MED27: variants seen among roughly 807,000 people sequenced by gnomAD.
MED27 encodes mediator complex subunit 27.
MED27 carries 30 observed loss-of-function variants against 38.2 expected under a neutral mutation model. The ratio of observed to expected loss-of-function variants is 0.79; its 90% confidence interval spans 0.59 to 1.07. The LOEUF (loss-of-function observed/expected upper bound fraction) is 1.07. Among genes scored for constraint, MED27 ranks in the 50% least tolerant of loss-of-function variants. The pLI, the probability that MED27 is intolerant of heterozygous loss-of-function variation, is 0.00. For missense variants in MED27, 289 were observed against 397.5 expected (o/e 0.73, Z 2.32); for synonymous variants, 122 against 153.5 (o/e 0.79, Z 1.52).
intron 2 of MED27, among the ~76,000 whole-genome samples, chr9:132,029,236 C>T (rs1045304777): frequency 6.6e-6 from 1 of 152,128 alleles, no homozygotes; most frequent in Non-Finnish European, 1.5e-5. Flanking sequence ...TACTCTAGTA[C>T]CAAGTTACTT....
intron 3 of MED27, among the ~76,000 whole-genome samples, chr9:131,979,796 T>C (rs775248837): frequency 6.6e-6 from 1 of 151,580 alleles, no homozygotes; most frequent in Non-Finnish European, 1.5e-5. Context: ...TACTAGTCCA[T>C]GCTAACTCCT....
Position 132,003,507 on chromosome 9 carries a change from C to G in MED27, c.479+10830G>C, listed in dbSNP as rs1207590550. On this transcript the variant is annotated intron_variant, in intron 3 of 7. Transcript: ENST00000292035. This position sits in a 1 kb window ranked among gnomAD's most constrained non-coding sequence, Gnocchi z 4.2. ...CCACAAGGGGCACGTGACAGTTGGG[C>G]CTGAAGGGTTGGCTAGAGCAAGGCT... 6.6e-6 allele frequency among the ~76,000 whole-genome samples: 1 copy of G among 152,072 alleles called. No individual in the cohort carries two copies. The highest frequency in any genetic ancestry group is 1.5e-5 in the Non-Finnish European group (1 of 68,012).
chr9:131,936,178 T>C (rs1830681386), intron 4 of MED27, among the ~76,000 whole-genome samples: 1 of 146,166 alleles, frequency 6.8e-6, no homozygotes, highest in South Asian at 2.2e-4. Context: ...AAAGAAAAAA[T>C]CACCAGCCTA....
chr9:132,018,139 A>C (rs987995124), intron 2 of MED27, among the ~76,000 whole-genome samples: 1 of 152,288 alleles, frequency 6.6e-6, no homozygotes, highest in South Asian at 2.1e-4. Flanking sequence ...GAGGACCCCC[A>C]AACTCTAAAA....
intron 3 of MED27, among the ~76,000 whole-genome samples, chr9:131,940,201 G>A (rs1033617543): frequency 5.9e-5 from 9 of 151,722 alleles, no homozygotes; most frequent in Admixed American, 2.6e-4. Context: ...CACTGTGCCC[G>A]GCCAATTCCT....
intron 2 of MED27, among the ~76,000 whole-genome samples, chr9:132,061,355 A>G (rs1387993015): frequency 2.6e-5 from 4 of 152,222 alleles, no homozygotes; most frequent in African/African-American, 4.8e-5. Flanking sequence ...AGGTGATGCT[A>G]AGGTATAAAA....
chr9:131,916,199 AT>A (rs1479092271), intron 4 of MED27, among the ~76,000 whole-genome samples: 1 of 152,216 alleles, frequency 6.6e-6, no homozygotes, highest in Non-Finnish European at 1.5e-5. Context: ...GTAGAATGGG[AT>A]TAAGAAATAA....
chr9:131,887,522 G>T (rs926858213), intron 5 of MED27, among the ~76,000 whole-genome samples: 6 of 152,186 alleles, frequency 3.9e-5, no homozygotes, highest in Admixed American at 2.6e-4. Flanking sequence ...AGCCAGAAAT[G>T]AGCATTCTGG....
intron 2 of MED27, among the ~76,000 whole-genome samples, chr9:132,058,755 C>T (rs922442879): frequency 5.3e-5 from 8 of 152,348 alleles, no homozygotes; most frequent in African/African-American, 1.9e-4. Context: ...CACATCTCTA[C>T]AACTTCAGTG....
At chr9:132,026,030 C>T (rs1832810265) in intron 2 of MED27, among the ~76,000 whole-genome samples, 1 of 152,158 alleles carries the variant, frequency 6.6e-6, no homozygotes, top group Non-Finnish European at 1.5e-5. Context: ...AGAGTTGAGC[C>T]TAATACGAGA....
intron 3 of MED27, among the ~76,000 whole-genome samples, chr9:131,956,531 G>C (rs2130991923): frequency 6.6e-6 from 1 of 151,562 alleles, no homozygotes; most frequent in East Asian, 1.9e-4. Context: ...CACAAGAATT[G>C]CTTGAACCCA....
intron 4 of MED27, among the ~76,000 whole-genome samples, chr9:131,901,914 A>C (rs1220731901): frequency 6.6e-6 from 1 of 152,138 alleles, no homozygotes; most frequent in Non-Finnish European, 1.5e-5. Flanking sequence ...TGAAGTTTTG[A>C]AAGATTTGAG....
Position 131,889,389 on chromosome 9 carries a change from C to T in MED27, c.681+4496G>A, listed in dbSNP as rs1262473545. Among the ~76,000 whole-genome samples, 1 of 152,104 alleles carries T rather than the reference C, an allele frequency of 6.6e-6. No individual in the cohort carries two copies. The highest frequency in any genetic ancestry group is 2.1e-4 in the South Asian group (1 of 4,826). ...CAAAAAGTTAAATTCGAACGAGACACATTTTTTTTTCAGTTAAGTCTGACT... is the reference window on the plus strand; with the variant it reads ...CAAAAAGTTAAATTCGAACGAGACATATTTTTTTTTCAGTTAAGTCTGACT... On this transcript the variant is annotated intron_variant, in intron 5 of 7. Coordinates refer to ENST00000292035, the MANE Select transcript of MED27 (RefSeq NM_004269.4). This position sits in a 1 kb window ranked among gnomAD's most constrained non-coding sequence, Gnocchi z 4.2.
chr9:131,920,048 C>A (rs1228672333), intron 4 of MED27, among the ~76,000 whole-genome samples: 2 of 152,104 alleles, frequency 1.3e-5, no homozygotes, highest in African/African-American at 4.8e-5. Context: ...TGCACTCAAG[C>A]AATCCACCTG....
At chr9:131,993,663 C>G (rs1832027336) in intron 3 of MED27, among the ~76,000 whole-genome samples, 1 of 152,236 alleles carries the variant, frequency 6.6e-6, no homozygotes, top group African/African-American at 2.4e-5. Context: ...ACAGACCCAT[C>G]TCATCATGAC....
At chr9:131,973,031 T>G (rs1259148964) in intron 3 of MED27, among the ~76,000 whole-genome samples, 1 of 152,058 alleles carries the variant, frequency 6.6e-6, no homozygotes, top group Non-Finnish European at 1.5e-5. Flanking sequence ...TACAAGAAAA[T>G]TTCAAACACT....
intron 3 of MED27, among the ~76,000 whole-genome samples, chr9:131,955,824 A>T (rs1316106886): frequency 4.6e-5 from 7 of 152,228 alleles, no homozygotes. Flanking sequence ...AAATAGTATC[A>T]ATCATATGGA....
At chr9:131,934,653 G>T (rs1364466135) in intron 4 of MED27, among the ~76,000 whole-genome samples, 3 of 152,112 alleles carry the variant, frequency 2.0e-5, no homozygotes, top group African/African-American at 7.2e-5. Context: ...CAGTTTTGAG[G>T]TTCCTCAGAA....
rs1832297413 is a variant in MED27 at position 132,003,960 on chromosome 9, G to T, written c.479+10377C>A. ...TGTGGAAAGTACATAAAGGCTTTCA[G>T]AGTGAACATACACACACACACATAC... is the stretch of plus-strand genomic sequence containing the variant. On this transcript the variant is annotated intron_variant, in intron 3 of 7. Coordinates refer to ENST00000292035, the MANE Select transcript of MED27 (RefSeq NM_004269.4). The surrounding 1 kb of genome is among the most constrained non-coding windows in gnomAD (Gnocchi z 4.2). Among the ~76,000 whole-genome samples, 1 of 149,064 alleles carries T rather than the reference G, an allele frequency of 6.7e-6. No individual in the cohort carries two copies. The highest frequency in any genetic ancestry group is 2.5e-5 in the African/African-American group (1 of 40,794).
Sources: allele counts gnomAD v4.1 joint callset (sites outside exome capture counted in the v4.1 genomes callset), GRCh38; gene constraint gnomAD v4.1.1; non-coding constraint Gnocchi (gnomAD v3.1); transcripts MANE v1.5; gene names NCBI Gene and HGNC (gene_info 2026-07-23, HGNC 2026-07-21).